The following TP63 variants were observed in gnomAD, a reference collection of about 807,000 sequenced individuals.
The protein encoded by TP63 is tumor protein p63, also known as tumor protein 63.
In TP63, 17 loss-of-function variants were observed where a neutral mutation model predicts 82.8. The ratio of observed to expected loss-of-function variants is 0.21; its 90% CI spans 0.14 to 0.31. The LOEUF (loss-of-function observed/expected upper bound fraction) is 0.31. Ranked by LOEUF, TP63 falls within the 10% of genes least tolerant of loss-of-function variation. The pLI, the probability that TP63 is intolerant of heterozygous loss-of-function variation, is 1.00. For synonymous variants in TP63, 330 were observed against 321.7 expected (o/e 1.03, Z -0.28); for missense variants, 648 against 895.3 (o/e 0.72, Z 3.52).
At chr3:189,660,792 A>T (rs1243279548) in intron 1 of TP63, among the ~76,000 whole-genome samples, 1 of 151,216 alleles carries the variant, frequency 6.6e-6, no homozygotes, top group Non-Finnish European at 1.5e-5. Flanking sequence ...TCGATGTTAG[A>T]TGTAGTCCTA....
At chr3:189,754,035 T>A (rs1722007754) in intron 3 of TP63, among the ~76,000 whole-genome samples, 3 of 152,146 alleles carry the variant, frequency 2.0e-5, no homozygotes, top group Admixed American at 2.0e-4. Flanking sequence ...TTTGTCAGAG[T>A]AAAGAACTCA....
At chr3:189,639,889 T>A (rs1711666518) in intron 1 of TP63, among the ~76,000 whole-genome samples, 1 of 152,180 alleles carries the variant, frequency 6.6e-6, no homozygotes, top group Non-Finnish European at 1.5e-5. Context: ...TCAAGTATAT[T>A]ATGCCTTAAG....
At chr3:189,631,076 G>C (rs1729434230), upstream of TP63, among the ~76,000 whole-genome samples, 1 of 152,136 alleles carries the variant, frequency 6.6e-6, no homozygotes, top group Admixed American at 6.6e-5. Context: ...ACACTCATCA[G>C]CTCAGTTCAG....
chr3:189,702,130 T>G (rs1018588350), intron 1 of TP63, among the ~76,000 whole-genome samples: 1 of 151,560 alleles, frequency 6.6e-6, no homozygotes, highest in Non-Finnish European at 1.5e-5. Context: ...GCCCTTGGGG[T>G]TTTTCTGGTT....
At chr3:189,793,815 G>C (rs1330986476) in intron 3 of TP63, among the ~76,000 whole-genome samples, 1 of 152,044 alleles carries the variant, frequency 6.6e-6, no homozygotes, top group Non-Finnish European at 1.5e-5. Flanking sequence ...ATAAAAAATT[G>C]TTAAACCCAA....
chr3:189,839,040 T>TAAAAAAAAAAAAAAAAAAAAAAAGAAA (rs1713569244), intron 4 of TP63, among the ~76,000 whole-genome samples: 1 of 88,606 alleles, frequency 1.1e-5, no homozygotes, highest in African/African-American at 4.8e-5. Context: ...TATCCTAAGC[T>TAAAAAAAAAAAAAAAAAAAAAAAGAAA]AAAAAAAAAA....
intron 1 of TP63, among the ~76,000 whole-genome samples, chr3:189,723,149 TAA>T (rs139220897): frequency 0.011 from 1,696 of 152,256 alleles, 24 homozygotes; most frequent in East Asian, 0.058. Context: ...TAACCTAAGG[TAA>T]AGAGTCAAGA....
At chr3:189,735,722 C>T (rs908266065) in intron 1 of TP63, among the ~76,000 whole-genome samples, 2 of 152,184 alleles carry the variant, frequency 1.3e-5, no homozygotes, top group African/African-American at 2.4e-5. Context: ...TCTTCCATCA[C>T]ACAACTTCCA....
At chr3:189,677,126 G>A (rs1715472695) in intron 1 of TP63, among the ~76,000 whole-genome samples, 1 of 151,190 alleles carries the variant, frequency 6.6e-6, no homozygotes, top group Non-Finnish European at 1.5e-5. Context: ...ATGGCCTCTA[G>A]GTTCATCCAT....
At chr3:189,770,452 C>T (rs1004722918) in intron 3 of TP63, among the ~76,000 whole-genome samples, 1 of 151,958 alleles carries the variant, frequency 6.6e-6, no homozygotes, top group African/African-American at 2.4e-5. Context: ...ATAATCCCAG[C>T]TGCTCGGGGG....
At chr3:189,703,671 C>T (rs1717989363) in intron 1 of TP63, among the ~76,000 whole-genome samples, 1 of 152,098 alleles carries the variant, frequency 6.6e-6, no homozygotes, top group African/African-American at 2.4e-5. Flanking sequence ...CAGAGAAAAG[C>T]CAGAAAGTGC....
intron 3 of TP63, among the ~76,000 whole-genome samples, chr3:189,743,132 A>T (rs182483206): frequency 1.0e-3 from 158 of 152,308 alleles, no homozygotes; most frequent in Non-Finnish European, 1.9e-3. Flanking sequence ...TCAAAATTTA[A>T]TAAGAGAGAT....
intron 1 of TP63, among the ~76,000 whole-genome samples, chr3:189,734,707 C>G (rs1313253401): frequency 6.6e-6 from 1 of 152,136 alleles, no homozygotes; most frequent in African/African-American, 2.4e-5. Context: ...GCCTTGACTT[C>G]TATTTATCTT....
intron 3 of TP63, among the ~76,000 whole-genome samples, chr3:189,769,080 C>T (rs1445904680): frequency 1.3e-5 from 2 of 152,182 alleles, no homozygotes; most frequent in African/African-American, 4.8e-5. Context: ...GTACCTTCCT[C>T]ATAGGCTGAT....
chr3:189,817,008 A>G (rs1728258810), intron 4 of TP63, among the ~76,000 whole-genome samples: 1 of 149,344 alleles, frequency 6.7e-6, no homozygotes, highest in Admixed American at 6.6e-5. Flanking sequence ...ATGTGGGGGA[A>G]AAAAAAAACC....
chr3:189,852,985 T>C (rs1225930868), intron 4 of TP63, among the ~76,000 whole-genome samples: 1 of 152,224 alleles, frequency 6.6e-6, no homozygotes. Context: ...CACAATCCAA[T>C]TGGTGAATAA....
intron 7 of TP63, 48 bp downstream of exon 7, chr3:189,867,990 A>G (rs951616105): frequency 2.6e-5 from 39 of 1,488,920 alleles, no homozygotes; most frequent in Non-Finnish European, 3.5e-5. Context: ...AATCACGAGC[A>G]GAGGGCAAAG....
intron 1 of TP63, among the ~76,000 whole-genome samples, chr3:189,684,589 G>T (rs1170976247): frequency 6.6e-6 from 1 of 151,778 alleles, no homozygotes; most frequent in Non-Finnish European, 1.5e-5. Context: ...TGATGTCAAG[G>T]GATATAGAAT....
chr3:189,619,072 A>G, the TP63 span, among the ~76,000 whole-genome samples: 1 of 152,082 alleles, frequency 6.6e-6, no homozygotes, highest in African/African-American at 2.4e-5. Context: ...GCAAAAATCA[A>G]TTTCTAGGGA....
Sources: allele counts gnomAD v4.1 joint callset (sites outside exome capture counted in the v4.1 genomes callset), GRCh38; gene constraint gnomAD v4.1.1; transcripts MANE v1.5; gene names NCBI Gene and HGNC (gene_info 2026-07-23, HGNC 2026-07-21).